Variants in TET1 observed in about 807,000 individuals in gnomAD.
TET1 encodes the protein methylcytosine dioxygenase TET1.
In TET1, 13 loss-of-function variants were observed where a neutral mutation model predicts 148.7. The observed-to-expected ratio is 0.09, with a 90% CI of 0.06 to 0.14. The LOEUF (loss-of-function observed/expected upper bound fraction) is 0.14. TET1 is among the 10% of genes least tolerant of loss of function. The probability of loss-of-function intolerance (pLI) is 1.00; values close to 1 mark genes in which losing one functional copy is unlikely to be tolerated. For synonymous variants in TET1, 907 were observed against 937.2 expected, an observed-to-expected ratio of 0.97 and a Z score of 0.59; for missense variants, 2,182 against 2,553.8, an observed-to-expected ratio of 0.85 and a Z score of 3.14.
At chr10:68,621,580 C>CA (rs1035905300) in intron 3 of TET1, among the ~76,000 whole-genome samples, 4 of 151,462 alleles carry the variant, frequency 2.6e-5, no homozygotes, top group Non-Finnish European at 5.9e-5. Context: ...GACTCCATCT[C>CA]AAAAAAAATA....
chr10:68,679,579 T>C (rs758025888), intron 8 of TET1, among the ~76,000 whole-genome samples: 1 of 152,220 alleles, frequency 6.6e-6, no homozygotes, highest in Non-Finnish European at 1.5e-5. Flanking sequence ...ATTGTTTTAA[T>C]GGGTGTTGAT....
In TET1 at chr10:68,646,281, C is replaced by T; in HGVS notation, c.3552C>T (p.Gly1184=). Residue 1184 remains glycine (G), a synonymous_variant, in exon 4 of 12, where the codon GGC becomes GGT. Coordinates refer to ENST00000373644, the MANE Select transcript of TET1 (RefSeq NM_030625.3). Reference sequence around the variant, plus strand: ...GGGAAAAGTTGTCCTATATGTATGGCACAATATGCGACATTTGGATAGCAT... The same window carrying T: ...GGGAAAAGTTGTCCTATATGTATGGTACAATATGCGACATTTGGATAGCAT... The part of the protein sequence containing the change: ...QKWEKLSYMY[G]TICDIWIASK... 1 of 1,614,098 alleles carries T rather than the reference C, an allele frequency of 6.2e-7. No homozygotes were observed. The highest frequency in any genetic ancestry group is 8.5e-7 in the Non-Finnish European group (1 of 1,180,026).
At chr10:68,578,813 G>T (rs2053760470) in intron 2 of TET1, among the ~76,000 whole-genome samples, 1 of 151,914 alleles carries the variant, frequency 6.6e-6, no homozygotes, top group Non-Finnish European at 1.5e-5. Context: ...TGGGGTGCTG[G>T]GATTGTAGGC....
intron 2 of TET1, among the ~76,000 whole-genome samples, chr10:68,581,703 C>T (rs1361411884): frequency 2.0e-5 from 3 of 151,860 alleles, no homozygotes; most frequent in East Asian, 1.9e-4. Context: ...ATATTAGCTG[C>T]GCATGGTGGC....
At position 68,683,990 on chromosome 10, in the gene TET1, T is replaced by TA. The variant is rs539747950; in HGVS notation, c.5052+1017_5052+1018insA. On this transcript the variant is annotated intron_variant, in intron 10 of 11. Transcript: ENST00000373644. ...TTTGTCTGTTTGCTTCACCTGTTTG[T>TA]CTTCCTGTCATCTAGTAAAGCAAGA... Among the ~76,000 whole-genome samples, 431 of 152,340 alleles carry TA rather than the reference T, an allele frequency of 2.8e-3. 1 individual carries two copies. The highest frequency in any genetic ancestry group is 9.9e-3 in the African/African-American group (411 of 41,576).
Position 68,691,101 on chromosome 10 carries a change from G to A in TET1, c.5698G>A (p.Gly1900Ser). 6.2e-7 allele frequency: 1 copy of A among 1,614,210 alleles called. No homozygotes were observed. Among genetic ancestry groups the A allele is most frequent in the East Asian group, 2.2e-5 (1 of 44,878 alleles). Residue 1900 changes from glycine to serine, a missense_variant, in exon 12 of 12, where the codon GGC (glycine) becomes AGC (serine). Physicochemically the swap from Gly to Ser is moderately conservative, Grantham distance 56. Around this residue, in one of 11 missense-constraint regions of TET1, gnomAD observed 380 missense variants for 387.9 expected, o/e 0.98. Transcript: ENST00000373644. The surrounding 1 kb of genome is among the most constrained non-coding windows in gnomAD (Gnocchi z 4.4). ...GANAAAADGP[G>S]ISQLGEVAPL... ...CAATGCAGCTGCTGCTGATGGCCCT[G>A]GCATTTCACAGCTTGGCGAAGTGGC... is the stretch of plus-strand genomic sequence containing the variant.
intron 3 of TET1, among the ~76,000 whole-genome samples, chr10:68,632,194 C>A (rs2054583123): frequency 6.6e-6 from 1 of 151,768 alleles, no homozygotes; most frequent in African/African-American, 2.4e-5. Flanking sequence ...TGGTGGCGGG[C>A]GCCTGTAGTC....
intron 8 of TET1, among the ~76,000 whole-genome samples, chr10:68,677,887 T>C (rs950764347): frequency 6.6e-6 from 1 of 152,240 alleles, no homozygotes; most frequent in Non-Finnish European, 1.5e-5. Context: ...CCCAAACTGC[T>C]GGGATTACAG....
In TET1 at chr10:68,678,725, A is replaced by G. The variant is rs191732549; in HGVS notation, c.4825-2674A>G. ...AGATCGCACCACTGCACCCCCCCAC[A>G]CACAAAAAAAGAGTGGGAGAAGGAG... On this transcript the variant is annotated intron_variant, in intron 8 of 11. Transcript: ENST00000373644. Among the ~76,000 whole-genome samples the G allele has an allele frequency of 2.1e-3, 322 of 152,082 alleles. 4 individuals are homozygous for G. The highest frequency in any genetic ancestry group is 7.3e-3 in the African/African-American group (303 of 41,490).
intron 8 of TET1, chr10:68,674,766 G>T: frequency 4.0e-6 from 2 of 498,650 alleles, no homozygotes; most frequent in South Asian, 3.1e-5. Flanking sequence ...AATCAGATAC[G>T]GAAGACCTCT....
At chr10:68,629,692 C>A (rs1214583547) in intron 3 of TET1, among the ~76,000 whole-genome samples, 1 of 151,828 alleles carries the variant, frequency 6.6e-6, no homozygotes, top group Non-Finnish European at 1.5e-5. Context: ...TGCCTGCCAC[C>A]ACACCCGGCC....
At chr10:68,581,836 C>CAAA (rs35620494) in intron 2 of TET1, among the ~76,000 whole-genome samples, 1 of 130,054 alleles carries the variant, frequency 7.7e-6, no homozygotes, top group African/African-American at 2.9e-5. Flanking sequence ...GACCGTGTCT[C>CAAA]AAAAAAAAAA....
intron 1 of TET1, among the ~76,000 whole-genome samples, chr10:68,561,723 CCG>C (rs1423899629): frequency 1.4e-5 from 2 of 138,380 alleles, no homozygotes; most frequent in African/African-American, 2.7e-5. Context: ...GCTCCGGTCC[CCG>C]CCTCTCTCGC....
intron 3 of TET1, among the ~76,000 whole-genome samples, chr10:68,618,147 AAGTAAT>A (rs2054321901): frequency 6.6e-6 from 1 of 152,080 alleles, no homozygotes; most frequent in African/African-American, 2.4e-5. Flanking sequence ...GAAACCTTTT[AAGTAAT>A]AGTAAAAAAT....
chr10:68,644,603 G>A, intron 3 of TET1, 95 bp from the exon 4 acceptor site: 1 of 1,240,722 alleles, frequency 8.1e-7, no homozygotes, highest in Non-Finnish European at 1.1e-6. Flanking sequence ...TGTATCCACA[G>A]GGGCTTTACA....
At chr10:68,650,522 T>C (rs1399457904) in intron 4 of TET1, among the ~76,000 whole-genome samples, 1 of 151,240 alleles carries the variant, frequency 6.6e-6, no homozygotes, top group Non-Finnish European at 1.5e-5. Flanking sequence ...TCCCAGCTAC[T>C]TGGGAGGCTG....
At chr10:68,606,197 T>C (rs1186159361) in intron 3 of TET1, among the ~76,000 whole-genome samples, 2 of 152,082 alleles carry the variant, frequency 1.3e-5, no homozygotes, top group Admixed American at 6.5e-5. Flanking sequence ...TGAAACCCTG[T>C]CTCTACTAAA....
chr10:68,681,283 C>A, intron 8 of TET1, 116 bp from the exon 9 acceptor site: 2 of 550,618 alleles, frequency 3.6e-6, no homozygotes, highest in Non-Finnish European at 6.4e-6. Context: ...GCTATTTTAT[C>A]AGGATAAGTA....
intron 2 of TET1, among the ~76,000 whole-genome samples, chr10:68,580,173 C>T (rs2053776406): frequency 6.6e-6 from 1 of 151,826 alleles, no homozygotes; most frequent in Admixed American, 6.6e-5. Context: ...GGTGATCCAC[C>T]CCCCTTGGCC....
Sources: gnomAD v4.1 joint callset for allele counts (sites outside exome capture counted in the v4.1 genomes callset) on GRCh38, gnomAD v4.1.1 for gene constraint, gnomAD v4.1.1 regional missense constraint, Gnocchi (gnomAD v3.1) non-coding constraint, MANE v1.5 for transcripts, NCBI Gene and HGNC (gene_info 2026-07-23, HGNC 2026-07-21) for gene names.